MKNK2: variants seen among roughly 807,000 people sequenced by gnomAD.
MKNK2 encodes the protein MAP kinase-interacting serine/threonine-protein kinase 2.
Under a neutral mutation model 55.0 loss-of-function variants are expected in MKNK2, and 54 were observed. The ratio of observed to expected loss-of-function variants is 0.98; its 90% CI spans 0.79 to 1.23. MKNK2 has a LOEUF of 1.23. Ranked by LOEUF, MKNK2 falls within the 50% of genes most tolerant of loss-of-function variation. MKNK2 has a pLI of 0.00. For missense variants in MKNK2, 685 were observed against 632.1 expected (o/e 1.08, Z -0.90); for synonymous variants, 323 against 256.0 (o/e 1.26, Z -2.50).
At chr19:2,045,536 T>G (rs2016978216) in intron 5 of MKNK2, among the ~76,000 whole-genome samples, 1 of 151,884 alleles carries the variant, frequency 6.6e-6, no homozygotes, top group African/African-American at 2.4e-5. Flanking sequence ...CTCCTTCTCC[T>G]CAGAGGAAAG....
rs879581097 is a variant in MKNK2, at chr19:2,045,826, A to G, written c.339+360T>C. Among the ~76,000 whole-genome samples the G allele has an allele frequency of 3.9e-5, 6 of 152,208 alleles. No individual in the cohort carries two copies. In the East Asian group the frequency reaches 1.2e-3, roughly 29 times the overall value. On this transcript the variant is annotated intron_variant, in intron 5 of 13. Coordinates refer to ENST00000250896, the MANE Select transcript of MKNK2 (RefSeq NM_199054.3). ...CAGCCGCCCAGGGCTAGAGTGACACAGGGGGCTCTCACGGGCCTGCACTGA... is the reference window on the plus strand; with the variant it reads ...CAGCCGCCCAGGGCTAGAGTGACACGGGGGGCTCTCACGGGCCTGCACTGA...
chr19:2,042,366 G>A (rs1048270064), intron 10 of MKNK2, 61 bp downstream of exon 10: 13 of 1,443,806 alleles, frequency 9.0e-6, no homozygotes, highest in African/African-American at 2.8e-5. Context: ...CCCAGGCTCC[G>A]CGAGGTTATG....
chr19:2,047,480 C>A (rs2017024547), intron 2 of MKNK2, among the ~76,000 whole-genome samples: 1 of 152,174 alleles, frequency 6.6e-6, no homozygotes, highest in Non-Finnish European at 1.5e-5. Flanking sequence ...AGGATTGAGT[C>A]ACCGTGGGGC....
Position 2,041,974 on chromosome 19 carries a change from TGCTA to T in MKNK2, c.807_810del (p.Ile271ThrfsTer86). On this transcript the variant is annotated frameshift_variant, in exon 11 of 14. Transcript: ENST00000250896. LOFTEE classifies it high-confidence loss of function. ...CACAGGTCGCAGCGCTTGTCGTAGATGCTAGCCTCCTCGCTGAAGGCCTCCACTA... is the reference window on the plus strand; with the variant it reads ...CACAGGTCGCAGCGCTTGTCGTAGATGCCTCCTCGCTGAAGGCCTCCACTA... 6.4e-7 allele frequency: 1 copy of T among 1,561,584 alleles called. No homozygotes were observed. Among genetic ancestry groups the T allele is most frequent in the Non-Finnish European group, 8.7e-7 (1 of 1,153,678 alleles).
chr19:2,043,762 T>C (rs2016942535), intron 5 of MKNK2, among the ~76,000 whole-genome samples, 180 bp from the exon 6 acceptor site: 1 of 151,912 alleles, frequency 6.6e-6, no homozygotes, highest in Non-Finnish European at 1.5e-5. Flanking sequence ...GATCATGAGG[T>C]CAGGAGATTG....
chr19:2,046,364 C>T lies in MKNK2; in HGVS notation c.241+3G>A, dbSNP rs1318280428. 4 of 1,607,144 alleles carry T rather than the reference C, an allele frequency of 2.5e-6. No individual in the cohort carries two copies. The African/African-American group carries it at 4.0e-5, about 16-fold the overall frequency. On this transcript the variant is annotated splice_donor_region_variant and intron_variant, in intron 4 of 13. Coordinates refer to ENST00000250896, the MANE Select transcript of MKNK2 (RefSeq NM_199054.3). ...TCCCCCAATGCCCGCCATCCCCGCT[C>T]ACCTTCAAACCTGCCCGAGAAGCTG... is the stretch of plus-strand genomic sequence containing the variant.
intron 7 of MKNK2, 71 bp downstream of exon 7, chr19:2,043,053 G>A: frequency 2.2e-6 from 3 of 1,389,752 alleles, no homozygotes; most frequent in Non-Finnish European, 3.1e-6. Flanking sequence ...CCTCCTGCAG[G>A]TGGCACTAGG....
chr19:2,039,859 G>A lies in MKNK2; in HGVS notation c.1155-3C>T, dbSNP rs745372206. 2 of 1,588,924 alleles carry A rather than the reference G, an allele frequency of 1.3e-6. No homozygotes were observed. The highest frequency in any genetic ancestry group is 1.3e-5 in the African/African-American group (1 of 74,706). ...TGAGGTCTTTGGCACAGCTGTTCCT[G>A]GGAAACGGGGTGGGGGTAGGTGGTC... On this transcript the variant is annotated splice_region_variant and splice_polypyrimidine_tract_variant and intron_variant, in intron 13 of 13. Transcript: ENST00000250896.
chr19:2,037,731 C>G lies in MKNK2; in HGVS notation c.*1882G>C. ...AGCTGGCCTGGGGCCCAGGGTCCTC[C>G]AGGATCTTCACTCATTCACAGTAAC... is the stretch of plus-strand genomic sequence containing the variant. On this transcript the variant is annotated 3_prime_UTR_variant, in exon 14 of 14. Transcript: ENST00000250896. 1 of 1,581,086 alleles carries G rather than the reference C, an allele frequency of 6.3e-7. No homozygotes were observed.
intron 13 of MKNK2, 138 bp downstream of exon 13, chr19:2,039,996 C>T: frequency 2.2e-6 from 3 of 1,383,798 alleles, no homozygotes; most frequent in South Asian, 2.5e-5. Flanking sequence ...ACCAGGGCCC[C>T]ACCGGGAGCT....
intron 10 of MKNK2, 84 bp from the exon 11 acceptor site, chr19:2,042,118 C>A: frequency 3.1e-6 from 4 of 1,304,596 alleles, no homozygotes; most frequent in Non-Finnish European, 4.0e-6. Context: ...GTCACCTGCG[C>A]CAGCCGGCTC....
rs968937449 is a variant in MKNK2 at position 2,050,724 on chromosome 19, G to A, written c.51+77C>T. 9 of 1,394,912 alleles carry A rather than the reference G, an allele frequency of 6.5e-6. No individual in the cohort carries two copies. The African/African-American group carries it at 8.9e-5, about 14-fold the overall frequency. 86.4% of individuals were successfully genotyped at this position (1,394,912 alleles called of 1,614,324 possible). On this transcript the variant is annotated intron_variant, in intron 2 of 13. Coordinates refer to ENST00000250896, the MANE Select transcript of MKNK2 (RefSeq NM_199054.3). ...ACGAGCCCCGGGAGCCGATCTTAGGGGCGGGCCCCGCGCCCCCCACGCCGG... is the reference window on the plus strand; with the variant it reads ...ACGAGCCCCGGGAGCCGATCTTAGGAGCGGGCCCCGCGCCCCCCACGCCGG...
At chr19:2,044,026 C>T (rs1168329370) in intron 5 of MKNK2, among the ~76,000 whole-genome samples, 2 of 151,248 alleles carry the variant, frequency 1.3e-5, no homozygotes, top group African/African-American at 2.4e-5. Context: ...CTGCTCTCCA[C>T]CTGTGACCCT....
chr19:2,038,612 C>T lies in MKNK2; in HGVS notation c.*1001G>A, dbSNP rs2016805839. The T allele has an allele frequency of 1.0e-6, 1 of 985,280 alleles. No homozygotes were observed. The highest frequency in any genetic ancestry group is 4.7e-5 in the South Asian group (1 of 21,300). 61.0% of individuals were successfully genotyped at this position (985,280 alleles called of 1,614,324 possible). ...ATTCGGCCAGACCCCGGGGTCTGGG[C>T]TCAGCTCTAAGGACAAGGACGGAGC... On this transcript the variant is annotated 3_prime_UTR_variant, in exon 14 of 14. Coordinates refer to ENST00000250896, the MANE Select transcript of MKNK2 (RefSeq NM_199054.3).
At position 2,043,186 on chromosome 19, in the gene MKNK2, T is replaced by C; in HGVS notation, c.431A>G (p.Glu144Gly). 1.2e-6 allele frequency: 2 copies of C among 1,607,318 alleles called. No homozygotes were observed. Among genetic ancestry groups the C allele is most frequent in the East Asian group, 2.2e-5 (1 of 44,830 alleles). The part of the protein sequence containing the change: ...YQCQGHRNVL[E>G]LIEFFEEEDR... ...CTCCTCCTCGAAGAACTCAATCAGC[T>C]CTAGGACGTTCCTGGGGTGGGGGTG... Residue 144 changes from glutamate to glycine, a missense_variant, in exon 7 of 14, where the codon GAG becomes GGG. Coordinates refer to ENST00000250896, the MANE Select transcript of MKNK2 (RefSeq NM_199054.3).
chr19:2,043,480 G>C (rs368231380), intron 6 of MKNK2, 23 bp downstream of exon 6: 2 of 1,604,844 alleles, frequency 1.2e-6, no homozygotes, highest in East Asian at 4.5e-5. Flanking sequence ...AGGCCAGTGC[G>C]GTGGCAAGGG....
chr19:2,043,620 G>C, intron 5 of MKNK2, 38 bp from the exon 6 acceptor site: 1 of 1,593,678 alleles, frequency 6.3e-7, no homozygotes, highest in Non-Finnish European at 8.6e-7. Context: ...TGGGTTGGTG[G>C]GACGCTCATA....
At position 2,037,952 on chromosome 19, in the gene MKNK2, G is replaced by A; in HGVS notation, c.*1661C>T. ...TTTGCTTGTTCTTTGATACAAAAAG[G>A]CAGAGAATCCCCCGTTACGAAACAT... On this transcript the variant is annotated 3_prime_UTR_variant, in exon 14 of 14. Coordinates refer to ENST00000250896, the MANE Select transcript of MKNK2 (RefSeq NM_199054.3). 1 of 1,390,938 alleles carries A rather than the reference G, an allele frequency of 7.2e-7. No individual in the cohort carries two copies. The highest frequency in any genetic ancestry group is 1.7e-5 in the South Asian group (1 of 60,268). 86.2% of individuals were successfully genotyped at this position (1,390,938 alleles called of 1,614,324 possible).
intron 2 of MKNK2, 112 bp downstream of exon 2, chr19:2,050,689 G>A: frequency 9.7e-7 from 1 of 1,031,860 alleles, no homozygotes; most frequent in Non-Finnish European, 1.4e-6. Flanking sequence ...GTGTAGGGCG[G>A]GGGCCAGGCA....
Sources: gnomAD v4.1 joint callset for allele counts (sites outside exome capture counted in the v4.1 genomes callset) on GRCh38, gnomAD v4.1.1 for gene constraint, MANE v1.5 for transcripts, NCBI Gene and HGNC (gene_info 2026-07-23, HGNC 2026-07-21) for gene names.